Variants in PSTK observed in about 807,000 individuals in gnomAD.
The protein encoded by PSTK is phosphoseryl-tRNA kinase, also known as L-seryl-tRNA(Sec) kinase.
Under a neutral mutation model 38.6 loss-of-function variants are expected in PSTK, and 26 were observed. The ratio of observed to expected loss-of-function variants is 0.67; its 90% CI spans 0.49 to 0.94. PSTK has a LOEUF of 0.94. Among genes scored for constraint, PSTK ranks in the 40% least tolerant of loss-of-function variants. The pLI is 0.00. For missense variants in PSTK, 445 were observed against 436.3 expected (o/e 1.02, Z -0.18); for synonymous variants, 181 against 161.7 (o/e 1.12, Z -0.91).
intron 5 of PSTK, among the ~76,000 whole-genome samples, chr10:122,989,417 A>G (rs1017810027): frequency 1.3e-5 from 2 of 151,878 alleles, no homozygotes; most frequent in East Asian, 3.9e-4. Context: ...ATGCCCCGCT[A>G]ATTTTTGTAT....
intron 5 of PSTK, among the ~76,000 whole-genome samples, chr10:122,987,811 A>G (rs6599640): frequency 0.56 from 85,406 of 152,024 alleles, 25,018 homozygotes; most frequent in Non-Finnish European, 0.65. Context: ...AAGTTCATAG[A>G]GGAACAAGTA....
intron 5 of PSTK, among the ~76,000 whole-genome samples, chr10:122,989,112 A>G (rs141591812): frequency 3.5e-4 from 50 of 142,786 alleles, no homozygotes; most frequent in African/African-American, 4.4e-4. Context: ...GTATACTTCC[A>G]GTCATACGAA....
At chr10:122,987,411 A>G in intron 5 of PSTK, 4 of 1,614,232 alleles carry the variant, frequency 2.5e-6, no homozygotes, top group Non-Finnish European at 3.4e-6. Flanking sequence ...CTGGAGGATC[A>G]TTCTAGGCAA....
chr10:122,988,099 CAT>C (rs1411117947), intron 5 of PSTK, among the ~76,000 whole-genome samples: 2 of 152,212 alleles, frequency 1.3e-5, no homozygotes, highest in African/African-American at 4.8e-5. Flanking sequence ...AACACCTTCA[CAT>C]GTTTAATGAA....
Position 122,980,641 on chromosome 10 carries a change from G to A in PSTK, c.162G>A (p.Ala54=). Residue 54 remains alanine, a synonymous_variant, in exon 1 of 6, where the codon GCG becomes GCA. Coordinates refer to ENST00000406217, the MANE Select transcript of PSTK (RefSeq NM_001363531.2). The surrounding 1 kb of genome is among the most constrained non-coding windows in gnomAD (Gnocchi z 4.3). ...QEQGWAIGVV[A]YDDVMPDAFL... ...AGGGTTGGGCCATCGGTGTTGTCGCGTATGATGACGTCATGCCCGACGCGT... is the reference window on the plus strand; with the variant it reads ...AGGGTTGGGCCATCGGTGTTGTCGCATATGATGACGTCATGCCCGACGCGT... 23 of 1,610,220 alleles carry A rather than the reference G, an allele frequency of 1.4e-5. No homozygotes were observed. The highest frequency in any genetic ancestry group is 2.0e-5 in the Non-Finnish European group (23 of 1,178,842).
At chr10:122,983,716 G>A in intron 3 of PSTK, 1 of 442,246 alleles carries the variant, frequency 2.3e-6, no homozygotes, top group Non-Finnish European at 4.0e-6. Flanking sequence ...TTGGAGCAGG[G>A]AATTCAGAGA....
In PSTK at chr10:122,986,913, T is replaced by C. The variant is rs750834914; in HGVS notation, c.828T>C (p.Thr276=). The C allele has an allele frequency of 4.3e-6, 7 of 1,612,832 alleles. No homozygotes were observed. Among genetic ancestry groups the C allele is most frequent in the Non-Finnish European group, 5.9e-6 (7 of 1,178,952 alleles). The part of the protein sequence containing the change: ...IICSTNILHK[T]DQTLRRIVSQ... ...GTTCAACTAACATTCTTCATAAAAC[T>C]GATCAGACACTCCGAAGGATTGTAT... The change falls in exon 5 of 6, where the codon ACT becomes ACC. Residue 276 remains threonine, a synonymous_variant. Coordinates refer to ENST00000406217, the MANE Select transcript of PSTK (RefSeq NM_001363531.2).
In PSTK at chr10:122,990,303, C is replaced by G; in HGVS notation, c.1007C>G (p.Pro336Arg). The change falls in exon 6 of 6, where the codon CCA becomes CGA. Residue 336 changes from proline (P) to arginine (R), a missense_variant. Coordinates refer to ENST00000406217, the MANE Select transcript of PSTK (RefSeq NM_001363531.2). The part of the protein sequence containing the change: ...YLCFQQTIDI[P>R]DVISFFHYEK... ...TGCTTTCAGCAAACCATTGACATAC[C>G]AGATGTCATTTCTTTTTTTCATTAT... is the stretch of plus-strand genomic sequence containing the variant. 1 of 1,523,050 alleles carries G rather than the reference C, an allele frequency of 6.6e-7. No homozygotes were observed. The highest frequency in any genetic ancestry group is 1.3e-5 in the South Asian group (1 of 78,848). The allele number at this position is 1,523,050 out of a possible 1,614,324, so 94.3% of individuals were successfully genotyped here.
rs560457685 is a variant in PSTK at position 122,980,478 on chromosome 10, G to A, written c.-2G>A. On this transcript the variant is annotated 5_prime_UTR_variant, in exon 1 of 6. Transcript: ENST00000406217. This position sits in a 1 kb window ranked among gnomAD's most constrained non-coding sequence, Gnocchi z 4.3. Reference sequence around the variant, plus strand: ...CAGACTCCTCCGGTCTCCCCGGGCAGCATGAAGACCGCCGAGAACATCAGA... The same window carrying A: ...CAGACTCCTCCGGTCTCCCCGGGCAACATGAAGACCGCCGAGAACATCAGA... The A allele has an allele frequency of 6.3e-7, 1 of 1,596,048 alleles. No individual in the cohort carries two copies. Among genetic ancestry groups the A allele is most frequent in the South Asian group, 1.1e-5 (1 of 90,006 alleles).
At chr10:122,982,678 A>T in intron 1 of PSTK, 55 bp from the exon 2 acceptor site, 1 of 1,526,324 alleles carries the variant, frequency 6.6e-7, no homozygotes, top group Non-Finnish European at 9.0e-7. Context: ...GTGAGGCCAG[A>T]TGACTGACCA....
chr10:122,986,138 G>A (rs532689800), intron 3 of PSTK, 162 bp from the exon 4 acceptor site: 33 of 406,798 alleles, frequency 8.1e-5, no homozygotes, highest in Middle Eastern at 7.0e-4. Flanking sequence ...GGAGAATGGC[G>A]CAAATCCGGG....
chr10:122,986,486 C>G (rs762360663), intron 4 of PSTK, 111 bp downstream of exon 4: 2 of 796,740 alleles, frequency 2.5e-6, no homozygotes, highest in South Asian at 3.0e-5. Flanking sequence ...TTGTCATTGG[C>G]TTGGCCTCTC....
intron 5 of PSTK, 34 bp downstream of exon 5, chr10:122,986,996 G>A (rs756066610): frequency 1.5e-6 from 2 of 1,363,150 alleles, no homozygotes; most frequent in Non-Finnish European, 1.0e-6. Flanking sequence ...GAGTTGGTAT[G>A]ATTGTGACTT....
At chr10:122,987,093 A>C (rs1213258955) in intron 5 of PSTK, 131 bp downstream of exon 5, 1 of 874,432 alleles carries the variant, frequency 1.1e-6, no homozygotes, top group African/African-American at 1.7e-5. Context: ...TAATTATGCA[A>C]TTTGACTAAA....
rs768053557 is a variant in PSTK at position 122,986,491 on chromosome 10, C to T, written c.783+116C>T. The T allele has an allele frequency of 6.3e-5, 49 of 777,380 alleles. No individual in the cohort carries two copies. In the Middle Eastern group the frequency reaches 9.0e-4, roughly 14 times the overall value. 48.2% of individuals were successfully genotyped at this position (777,380 alleles called of 1,614,324 possible). A position where few individuals can be genotyped will look rare whatever the true frequency, so the allele number is the denominator to read the frequency against. On this transcript the variant is annotated intron_variant, in intron 4 of 5. Transcript: ENST00000406217. ...GGGAGATGCGTTGTCATTGGCTTGGCCTCTCACCAGCACTCACTGCTGACA... is the reference window on the plus strand; with the variant it reads ...GGGAGATGCGTTGTCATTGGCTTGGTCTCTCACCAGCACTCACTGCTGACA...
At chr10:122,984,791 A>T (rs1383207233) in intron 3 of PSTK, 1 of 152,276 alleles carries the variant, frequency 6.6e-6, no homozygotes, top group African/African-American at 2.4e-5. Flanking sequence ...AATAGTCACT[A>T]AAACTCAAAT....
Position 122,980,512 on chromosome 10 carries a change from C to T in PSTK, c.33C>T (p.Gly11=). The part of the protein sequence containing the change: MKTAENIRGT[G]SDGPRKRGLC... The stretch of plus-strand genomic sequence containing the variant: ...CCGCCGAGAACATCAGAGGAACCGG[C>T]AGCGACGGGCCGCGGAAACGAGGCC... Residue 11 remains glycine, a synonymous_variant, in exon 1 of 6, where the codon GGC becomes GGT. Coordinates refer to ENST00000406217, the MANE Select transcript of PSTK (RefSeq NM_001363531.2). The surrounding 1 kb of genome is among the most constrained non-coding windows in gnomAD (Gnocchi z 4.3). 1 of 1,608,348 alleles carries T rather than the reference C, an allele frequency of 6.2e-7. No homozygotes were observed. Among genetic ancestry groups the T allele is most frequent in the Non-Finnish European group, 8.5e-7 (1 of 1,179,220 alleles).
chr10:122,983,674 A>G (rs1564730541), intron 3 of PSTK: 2 of 575,532 alleles, frequency 3.5e-6, no homozygotes, highest in Non-Finnish European at 6.1e-6. Flanking sequence ...ATGTCTGCTC[A>G]TAACTGTTAC....
chr10:122,989,559 G>A (rs1343011522), intron 5 of PSTK, among the ~76,000 whole-genome samples: 1 of 152,112 alleles, frequency 6.6e-6, no homozygotes, highest in East Asian at 1.9e-4. Context: ...GGGTTTTTGA[G>A]ATGATGAAAA....
Sources: gnomAD v4.1 joint callset for allele counts (sites outside exome capture counted in the v4.1 genomes callset) on GRCh38, gnomAD v4.1.1 for gene constraint, Gnocchi (gnomAD v3.1) non-coding constraint, MANE v1.5 for transcripts, NCBI Gene and HGNC (gene_info 2026-07-23, HGNC 2026-07-21) for gene names.